Variants in CNTN4 observed in about 807,000 individuals in gnomAD.
CNTN4 encodes the protein contactin-4.
A neutral mutation model predicts 122.5 loss-of-function variants in CNTN4; 77 were observed. That is an observed-to-expected ratio of 0.63 (90% CI 0.52 to 0.76). The LOEUF (loss-of-function observed/expected upper bound fraction) is 0.76. Among genes scored for constraint, CNTN4 ranks in the 30% least tolerant of loss-of-function variants. CNTN4 has a pLI of 0.00. For synonymous variants in CNTN4, 512 were observed against 447.0 expected (o/e 1.15, Z -1.83); for missense variants, 1,256 against 1,259.1 (o/e 1.00, Z 0.04).
intron 4 of CNTN4, among the ~76,000 whole-genome samples, chr3:2,670,069 G>C (rs1482820587): frequency 6.6e-6 from 1 of 152,206 alleles, no homozygotes; most frequent in Non-Finnish European, 1.5e-5. Context: ...TGTATATTCT[G>C]TTGATTTGCG....
intron 4 of CNTN4, among the ~76,000 whole-genome samples, chr3:2,579,442 C>T (rs2079838322): frequency 6.6e-6 from 1 of 152,066 alleles, no homozygotes; most frequent in Non-Finnish European, 1.5e-5. Context: ...GCAGAGCTGG[C>T]GGTTGAGAAT....
chr3:2,178,472 C>T (rs1299853269), intron 2 of CNTN4, among the ~76,000 whole-genome samples: 1 of 151,888 alleles, frequency 6.6e-6, no homozygotes, highest in Admixed American at 6.6e-5. Flanking sequence ...ATTGTAACAT[C>T]AAACCAATGA....
At chr3:2,943,632 T>TATATATA (rs59719192) in intron 13 of CNTN4, among the ~76,000 whole-genome samples, 3 of 96,184 alleles carry the variant, frequency 3.1e-5, no homozygotes, top group African/African-American at 1.3e-4. Context: ...ATATATATAT[T>TATATATA]TTTTTTTTTT....
At chr3:2,409,306 G>A (rs1250164322) in intron 3 of CNTN4, among the ~76,000 whole-genome samples, 1 of 146,672 alleles carries the variant, frequency 6.8e-6, no homozygotes, top group Non-Finnish European at 1.5e-5. Context: ...GGAGTGCAGT[G>A]GCATGATCTT....
chr3:2,328,311 CAGG>C (rs952740068), intron 2 of CNTN4, among the ~76,000 whole-genome samples: 3 of 150,528 alleles, frequency 2.0e-5, no homozygotes, highest in African/African-American at 7.3e-5. Flanking sequence ...GAGGCTGAGG[CAGG>C]AGAATGGCGG....
At chr3:2,120,397 A>G (rs2033677062) in intron 2 of CNTN4, among the ~76,000 whole-genome samples, 1 of 30,668 alleles carries the variant, frequency 3.3e-5, no homozygotes, top group Admixed American at 5.7e-4. Flanking sequence ...ATATATATAT[A>G]TATATATATT....
intron 14 of CNTN4, among the ~76,000 whole-genome samples, chr3:3,019,682 A>T (rs1698096963): frequency 6.6e-6 from 1 of 151,216 alleles, no homozygotes; most frequent in African/African-American, 2.4e-5. Context: ...ATGTGTATAT[A>T]TGTATATGTG....
chr3:2,114,155 G>C (rs1244870091), intron 2 of CNTN4, among the ~76,000 whole-genome samples: 1 of 151,982 alleles, frequency 6.6e-6, no homozygotes, highest in African/African-American at 2.4e-5. Context: ...TTTGGAAAGA[G>C]CACTTAAGAA....
chr3:2,950,097 G>C (rs974858920), intron 13 of CNTN4, among the ~76,000 whole-genome samples: 1 of 152,212 alleles, frequency 6.6e-6, no homozygotes, highest in Non-Finnish European at 1.5e-5. Context: ...CCTTATCCAT[G>C]ACTAATGGAG....
intron 13 of CNTN4, among the ~76,000 whole-genome samples, chr3:2,967,333 A>C (rs1469545577): frequency 1.3e-5 from 2 of 152,170 alleles, no homozygotes; most frequent in Admixed American, 6.6e-5. Flanking sequence ...CACTGGTCTT[A>C]GATTTTACAA....
chr3:2,412,107 A>T (rs145205356), intron 3 of CNTN4, among the ~76,000 whole-genome samples: 114 of 152,292 alleles, frequency 7.5e-4, no homozygotes, highest in African/African-American at 2.5e-3. Context: ...TATTTTGCTC[A>T]ACATACTATT....
intron 4 of CNTN4, among the ~76,000 whole-genome samples, chr3:2,576,612 A>G (rs2079701140): frequency 6.8e-6 from 1 of 148,098 alleles, no homozygotes; most frequent in Non-Finnish European, 1.5e-5. Context: ...CAGTGGCACG[A>G]TCTTGGCTCA....
chr3:2,883,463 G>C (rs995702870), intron 9 of CNTN4, among the ~76,000 whole-genome samples: 1 of 152,184 alleles, frequency 6.6e-6, no homozygotes, highest in African/African-American at 2.4e-5. Context: ...CAACTGACAT[G>C]ACCACAAAGG....
At chr3:2,736,071 C>T in intron 4 of CNTN4, 144 bp from the exon 5 acceptor site, 3 of 854,692 alleles carry the variant, frequency 3.5e-6, no homozygotes, top group Admixed American at 1.7e-5. Context: ...GGGAAATTTT[C>T]TTCTAGAAGC....
chr3:2,816,445 G>A (rs917594263), intron 6 of CNTN4, among the ~76,000 whole-genome samples: 5 of 152,110 alleles, frequency 3.3e-5, no homozygotes, highest in African/African-American at 1.2e-4. Context: ...GGGAAGTGGG[G>A]CAAGGGATAA....
At chr3:2,284,423 A>G (rs1487436392) in intron 2 of CNTN4, among the ~76,000 whole-genome samples, 1 of 152,124 alleles carries the variant, frequency 6.6e-6, no homozygotes, top group Non-Finnish European at 1.5e-5. Context: ...TCCTGTGTTT[A>G]TTATGCCATT....
At chr3:2,105,834 A>G (rs1199091655) in intron 2 of CNTN4, among the ~76,000 whole-genome samples, 1 of 152,142 alleles carries the variant, frequency 6.6e-6, no homozygotes, top group African/African-American at 2.4e-5. Flanking sequence ...CCACAGTCCA[A>G]AGTCTCATCT....
At chr3:2,619,458 T>C (rs1336106175) in intron 4 of CNTN4, among the ~76,000 whole-genome samples, 2 of 152,366 alleles carry the variant, frequency 1.3e-5, no homozygotes, top group Non-Finnish European at 2.9e-5. Flanking sequence ...TATCCATCTA[T>C]GGGGAAAATA....
chr3:2,481,227 A>C (rs1031689747), intron 3 of CNTN4, among the ~76,000 whole-genome samples: 4 of 150,768 alleles, frequency 2.7e-5, no homozygotes, highest in African/African-American at 7.3e-5. Context: ...TGCAACCTCC[A>C]CCTCCCAGGT....
Sources: allele counts gnomAD v4.1 joint callset (sites outside exome capture counted in the v4.1 genomes callset), GRCh38; gene constraint gnomAD v4.1.1; transcripts MANE v1.5; gene names NCBI Gene and HGNC (gene_info 2026-07-23, HGNC 2026-07-21).